DLGAP1: variants seen among roughly 807,000 people sequenced by gnomAD.
DLGAP1 encodes DLG associated protein 1.
In DLGAP1, 11 loss-of-function variants were observed where a neutral mutation model predicts 90.8. That is an observed-to-expected ratio of 0.12 (90% confidence interval 0.08 to 0.20). The LOEUF (loss-of-function observed/expected upper bound fraction) is 0.20, where lower values mean the gene tolerates loss of function less well. Among genes scored for constraint, DLGAP1 ranks in the 10% least tolerant of loss-of-function variants. DLGAP1 has a pLI of 1.00. For missense variants in DLGAP1, 1,050 were observed against 1,333.8 expected (o/e 0.79, Z 3.31); for synonymous variants, 558 against 540.7 (o/e 1.03, Z -0.44).
At position 3,641,582 on chromosome 18, in the gene DLGAP1, T is replaced by TACAC. The variant is rs1251987338; in HGVS notation, c.1592-59335_1592-59334insGTGT. ...GAACATAAGACAATGTACACATATA[T>TACAC]ATATACACACACACACACACACACA... On this transcript the variant is annotated intron_variant, in intron 7 of 12. Coordinates refer to ENST00000315677, the MANE Select transcript of DLGAP1 (RefSeq NM_004746.4). Among the ~76,000 whole-genome samples the TACAC allele has an allele frequency of 2.5e-3, 311 of 125,650 alleles. 2 individuals are homozygous for TACAC. The highest frequency in any genetic ancestry group is 8.3e-3 in the African/African-American group (226 of 27,378). The allele number at this position is 125,650 out of a possible 152,430, so 82.4% of individuals were successfully genotyped here.
intron 10 of DLGAP1, among the ~76,000 whole-genome samples, chr18:3,511,999 A>T (rs1394149899): frequency 6.6e-6 from 1 of 152,034 alleles, no homozygotes; most frequent in African/African-American, 2.4e-5. Context: ...ATTTTCTCTG[A>T]AAGTTAGAAT....
intron 1 of DLGAP1, among the ~76,000 whole-genome samples, chr18:4,192,297 T>C (rs926819913): frequency 1.3e-5 from 2 of 152,142 alleles, no homozygotes; most frequent in Admixed American, 6.6e-5. Flanking sequence ...TAAAAGAAAG[T>C]AGAATGGCTT....
intron 3 of DLGAP1, among the ~76,000 whole-genome samples, chr18:3,989,627 T>C (rs1030892976): frequency 1.3e-5 from 2 of 152,100 alleles, no homozygotes; most frequent in Non-Finnish European, 2.9e-5. Flanking sequence ...TGATTTGAAG[T>C]TAAAAAACAA....
intron 10 of DLGAP1, among the ~76,000 whole-genome samples, chr18:3,519,042 TATAA>T (rs1413001421): frequency 3.9e-5 from 6 of 152,168 alleles, no homozygotes; most frequent in Non-Finnish European, 8.8e-5. Context: ...TGCCTCTCTG[TATAA>T]TCTAGCACAG....
intron 2 of DLGAP1, among the ~76,000 whole-genome samples, chr18:4,021,982 G>A (rs2074618126): frequency 6.6e-6 from 1 of 152,142 alleles, no homozygotes; most frequent in Non-Finnish European, 1.5e-5. Flanking sequence ...TGCAGTAACT[G>A]TAAGGAGGTA....
chr18:3,856,778 G>A (rs1212560748), intron 4 of DLGAP1, among the ~76,000 whole-genome samples: 6 of 151,800 alleles, frequency 4.0e-5, no homozygotes, highest in Admixed American at 2.6e-4. Flanking sequence ...GGATAATGGC[G>A]TGAACCTGGG....
intron 3 of DLGAP1, among the ~76,000 whole-genome samples, chr18:4,001,465 T>C (rs2074184107): frequency 6.6e-6 from 1 of 152,196 alleles, no homozygotes; most frequent in South Asian, 2.1e-4. Flanking sequence ...GTAGATTCGA[T>C]GGCCATTTTT....
intron 7 of DLGAP1, among the ~76,000 whole-genome samples, chr18:3,620,498 A>G (rs2058056278): frequency 6.6e-6 from 1 of 152,172 alleles, no homozygotes; most frequent in African/African-American, 2.4e-5. Context: ...ATAGGAAAGC[A>G]TACAGGCTGC....
At chr18:3,617,099 C>A (rs895799954) in intron 7 of DLGAP1, among the ~76,000 whole-genome samples, 8 of 152,178 alleles carry the variant, frequency 5.3e-5, no homozygotes, top group Middle Eastern at 3.2e-3. Context: ...TGAGCCAGAA[C>A]TACCCCGCCA....
At chr18:3,643,358 A>G (rs989397603) in intron 7 of DLGAP1, among the ~76,000 whole-genome samples, 1 of 152,116 alleles carries the variant, frequency 6.6e-6, no homozygotes, top group Non-Finnish European at 1.5e-5. Flanking sequence ...AAAGACTAAC[A>G]GTCATCTAAA....
At chr18:4,111,347 A>G (rs904245336) in intron 2 of DLGAP1, among the ~76,000 whole-genome samples, 3 of 152,188 alleles carry the variant, frequency 2.0e-5, no homozygotes, top group East Asian at 3.9e-4. Flanking sequence ...CTATATTCAT[A>G]AGGGATATTA....
In DLGAP1 at chr18:3,910,865, A is replaced by C. The variant is rs558586563; in HGVS notation, c.-72-30725T>G. The stretch of plus-strand genomic sequence containing the variant: ...TCTGATGACATCAACAGTGTCTAAA[A>C]AAAATGAGCCACCAACAGAGAAGGC... On this transcript the variant is annotated intron_variant, in intron 3 of 12. Transcript: ENST00000315677. 2.6e-5 allele frequency among the ~76,000 whole-genome samples: 4 copies of C among 152,334 alleles called. No individual in the cohort carries two copies. The South Asian group carries it at 6.2e-4, about 24-fold the overall frequency.
At chr18:3,843,621 T>C (rs1301708282) in intron 4 of DLGAP1, among the ~76,000 whole-genome samples, 2 of 152,108 alleles carry the variant, frequency 1.3e-5, no homozygotes, top group Non-Finnish European at 2.9e-5. Flanking sequence ...TCTGGAGCGA[T>C]GAGGGGTGAG....
At chr18:4,443,974 G>A (rs185577958) in intron 1 of DLGAP1, among the ~76,000 whole-genome samples, 1 of 152,314 alleles carries the variant, frequency 6.6e-6, no homozygotes, top group Non-Finnish European at 1.5e-5. Flanking sequence ...AATCAGTAAA[G>A]TGTTCCAGTT....
chr18:3,576,196 CT>C (rs1238475435), intron 8 of DLGAP1, among the ~76,000 whole-genome samples: 2 of 152,030 alleles, frequency 1.3e-5, no homozygotes, highest in African/African-American at 4.8e-5. Context: ...AACTTCCTTC[CT>C]GTTTCCACCT....
intron 3 of DLGAP1, among the ~76,000 whole-genome samples, chr18:3,978,996 A>G (rs1190303804): frequency 6.6e-6 from 1 of 152,220 alleles, no homozygotes; most frequent in Non-Finnish European, 1.5e-5. Context: ...CTGTCCATCA[A>G]CAGATAAATG....
chr18:3,955,337 A>G (rs946432207), intron 3 of DLGAP1, among the ~76,000 whole-genome samples: 2 of 152,240 alleles, frequency 1.3e-5, no homozygotes, highest in Admixed American at 1.3e-4. Context: ...AGAACAAAAC[A>G]TAAGAATATT....
chr18:4,368,296 A>C (rs867380554), intron 1 of DLGAP1, among the ~76,000 whole-genome samples: 1 of 152,148 alleles, frequency 6.6e-6, no homozygotes, highest in African/African-American at 2.4e-5. Context: ...TTGAAATGTC[A>C]CCTTGGCTGG....
intron 7 of DLGAP1, among the ~76,000 whole-genome samples, chr18:3,623,509 C>T (rs749581021): frequency 3.2e-4 from 48 of 152,220 alleles, no homozygotes; most frequent in Non-Finnish European, 5.7e-4. Context: ...AAAAGCCAGC[C>T]GGGCACAGTG....
Sources: allele counts gnomAD v4.1 joint callset (sites outside exome capture counted in the v4.1 genomes callset), GRCh38; gene constraint gnomAD v4.1.1; transcripts MANE v1.5; gene names NCBI Gene and HGNC (gene_info 2026-07-23, HGNC 2026-07-21).